The following APBB2 variants were observed in gnomAD, a reference collection of about 807,000 sequenced individuals.
APBB2 encodes amyloid beta precursor protein binding family B member 2.
In APBB2, 38 loss-of-function variants were observed where a neutral mutation model predicts 82.5. The ratio of observed to expected loss-of-function variants is 0.46; its 90% confidence interval spans 0.36 to 0.60. APBB2 has a LOEUF of 0.60. APBB2 is among the 20% of genes least tolerant of loss of function. The probability of loss-of-function intolerance (pLI) is 0.00; values close to 1 mark genes in which losing one functional copy is unlikely to be tolerated. For synonymous variants in APBB2, 341 were observed against 368.2 expected, an observed-to-expected ratio of 0.93 and a Z score of 0.85; for missense variants, 772 against 972.3, an observed-to-expected ratio of 0.79 and a Z score of 2.74.
At chr4:41,196,922 C>T in intron 1 of APBB2, among the ~76,000 whole-genome samples, 6 of 151,996 alleles carry the variant, frequency 3.9e-5, no homozygotes, top group East Asian at 1.9e-4. Flanking sequence ...CCAAGTGAGG[C>T]GGCACCACCA....
chr4:40,995,438 C>G (rs1212959482), intron 6 of APBB2, among the ~76,000 whole-genome samples: 1 of 151,860 alleles, frequency 6.6e-6, no homozygotes, highest in African/African-American at 2.4e-5. Flanking sequence ...TGTAGTGGCA[C>G]CATCATAGTT....
At chr4:40,930,350 T>C (rs2154372958) in intron 10 of APBB2, among the ~76,000 whole-genome samples, 2 of 152,304 alleles carry the variant, frequency 1.3e-5, no homozygotes, top group South Asian at 4.1e-4. Context: ...ACAAAGACTT[T>C]ACTGCATAAA....
intron 4 of APBB2, among the ~76,000 whole-genome samples, chr4:41,042,141 C>T (rs143810450): frequency 1.0e-3 from 158 of 152,218 alleles, no homozygotes; most frequent in Middle Eastern, 3.4e-3. Context: ...CAGGTGCGCA[C>T]CACCACACCT....
intron 2 of APBB2, among the ~76,000 whole-genome samples, chr4:41,126,434 T>G (rs995349220): frequency 1.3e-5 from 2 of 152,114 alleles, no homozygotes; most frequent in African/African-American, 4.8e-5. Context: ...AATGAATGAC[T>G]AATGAACAAC....
Position 40,816,203 on chromosome 4 carries a change from A to G in APBB2, c.2169T>C (p.Pro723=), listed in dbSNP as rs1399630604. Residue 723 remains proline, a synonymous_variant, in exon 18 of 18, where the codon CCT becomes CCC. Coordinates refer to ENST00000508593, the MANE Select transcript of APBB2 (RefSeq NM_004307.2). ...TGGTTACTGAATCTGCTGGCGGTGG[A>G]GGTGGTCGAACTTTCTGAGAAGGCG... ...ARPPSQKVRP[P]PPPADSVTRR... 6 of 1,614,036 alleles carry G rather than the reference A, an allele frequency of 3.7e-6. No individual in the cohort carries two copies. The African/African-American group carries it at 4.0e-5, about 11-fold the overall frequency.
In APBB2 at chr4:40,955,736, G is replaced by T. The variant is rs573407708; in HGVS notation, c.836-10663C>A. Among the ~76,000 whole-genome samples, 61 of 152,114 alleles carry T rather than the reference G, an allele frequency of 4.0e-4. No individual in the cohort carries two copies. The East Asian group carries it at 0.011, about 27-fold the overall frequency. The stretch of plus-strand genomic sequence containing the variant: ...GAGGCCAGCCTGAGCAACATAAAAA[G>T]ATTCCATCTCCCTCCCCTAACCAAA... On this transcript the variant is annotated intron_variant, in intron 6 of 17. Coordinates refer to ENST00000508593, the MANE Select transcript of APBB2 (RefSeq NM_004307.2).
At chr4:41,189,798 C>T (rs1773904144) in intron 1 of APBB2, among the ~76,000 whole-genome samples, 1 of 152,156 alleles carries the variant, frequency 6.6e-6, no homozygotes, top group Non-Finnish European at 1.5e-5. Context: ...CCAGACAAAA[C>T]TAACTGATCC....
At chr4:41,141,896 A>AT (rs1237850636) in intron 2 of APBB2, among the ~76,000 whole-genome samples, 1 of 152,182 alleles carries the variant, frequency 6.6e-6, no homozygotes, top group African/African-American at 2.4e-5. Flanking sequence ...GGATCCTCCC[A>AT]TGACATGTGG....
At chr4:40,836,710 C>G (rs1754079992) in intron 12 of APBB2, among the ~76,000 whole-genome samples, 1 of 152,116 alleles carries the variant, frequency 6.6e-6, no homozygotes, top group Non-Finnish European at 1.5e-5. Context: ...GGGAGACAGG[C>G]CAGGTGGTCT....
intron 12 of APBB2, among the ~76,000 whole-genome samples, chr4:40,873,248 C>T (rs1247243058): frequency 2.0e-5 from 3 of 152,138 alleles, no homozygotes; most frequent in African/African-American, 4.8e-5. Context: ...CAAGATTTGA[C>T]AACTTAAGAT....
intron 3 of APBB2, among the ~76,000 whole-genome samples, chr4:41,095,007 G>A (rs548260735): frequency 1.4e-4 from 21 of 152,296 alleles, no homozygotes; most frequent in Non-Finnish European, 2.8e-4. Context: ...ACATAAATAT[G>A]ATCAATTCAA....
intron 3 of APBB2, among the ~76,000 whole-genome samples, chr4:41,097,216 T>C (rs963935582): frequency 6.6e-6 from 1 of 152,124 alleles, no homozygotes; most frequent in African/African-American, 2.4e-5. Context: ...TCTTGTATAA[T>C]ATAACAAAGG....
At chr4:40,946,190 C>T (rs1195509934) in intron 6 of APBB2, among the ~76,000 whole-genome samples, 1 of 144,960 alleles carries the variant, frequency 6.9e-6, no homozygotes, top group Non-Finnish European at 1.5e-5. Flanking sequence ...TGAGATCACA[C>T]CGTTGCGCTC....
intron 1 of APBB2, among the ~76,000 whole-genome samples, chr4:41,145,266 A>G (rs73810843): frequency 1.3e-5 from 2 of 152,016 alleles, no homozygotes; most frequent in South Asian, 4.1e-4. Flanking sequence ...GAATCTTTAC[A>G]CTGGGGCCTT....
At chr4:41,000,776 G>A (rs1338401881) in intron 6 of APBB2, among the ~76,000 whole-genome samples, 1 of 152,142 alleles carries the variant, frequency 6.6e-6, no homozygotes, top group East Asian at 1.9e-4. Context: ...GATATAATGA[G>A]CCTGAGATGA....
rs1738611398 is a variant in APBB2, at chr4:41,083,789, T to C, written c.-149+16850A>G. ...AAGTTTCTAACAGTAATTATTACAG[T>C]GATCATTAACAGTAACTTATTTCAT... On this transcript the variant is annotated intron_variant, in intron 3 of 17. Transcript: ENST00000508593. Among the ~76,000 whole-genome samples the C allele has an allele frequency of 2.0e-5, 3 of 151,590 alleles. 1 individual carries two copies. The South Asian group carries it at 6.2e-4, about 32-fold the overall frequency.
chr4:41,101,653 C>A (rs746957238), intron 2 of APBB2, among the ~76,000 whole-genome samples: 54 of 151,762 alleles, frequency 3.6e-4, no homozygotes, highest in South Asian at 1.3e-3. Flanking sequence ...ACAATTCTAA[C>A]CTCACTTATA....
intron 10 of APBB2, among the ~76,000 whole-genome samples, chr4:40,906,464 C>CAAAAAAAAAAAAAAAAAAAAAAAAAAAA (rs5857755): frequency 2.9e-5 from 2 of 67,988 alleles, no homozygotes; most frequent in African/African-American, 6.5e-5. Context: ...AAACCTGTCT[C>CAAAAAAAAAAAAAAAAAAAAAAAAAAAA]AAAAAAAAAA....
chr4:41,089,412 C>T (rs543184899), intron 3 of APBB2, among the ~76,000 whole-genome samples: 44 of 152,108 alleles, frequency 2.9e-4, no homozygotes, highest in Non-Finnish European at 5.0e-4. Flanking sequence ...TATCTATTTT[C>T]GTATTTTGGA....
Sources: gnomAD v4.1 joint callset for allele counts (sites outside exome capture counted in the v4.1 genomes callset) on GRCh38, gnomAD v4.1.1 for gene constraint, MANE v1.5 for transcripts, NCBI Gene and HGNC (gene_info 2026-07-23, HGNC 2026-07-21) for gene names.